The following RGS6 variants were observed in gnomAD, a reference collection of about 807,000 sequenced individuals.
The protein encoded by RGS6 is regulator of G protein signaling 6.
In RGS6, 30 loss-of-function variants were observed where a neutral mutation model predicts 78.5. The observed-to-expected ratio is 0.38, with a 90% confidence interval of 0.29 to 0.52. RGS6 has a LOEUF of 0.52. Ranked by LOEUF, RGS6 falls within the 20% of genes least tolerant of loss-of-function variation. RGS6 has a pLI of 0.85. For synonymous variants in RGS6, 206 were observed against 206.0 expected, an observed-to-expected ratio of 1.00 and a Z score of 0.00; for missense variants, 495 against 609.7, an observed-to-expected ratio of 0.81 and a Z score of 1.98.
chr14:71,882,078 A>G, the RGS6 span, among the ~76,000 whole-genome samples: 2 of 152,192 alleles, frequency 1.3e-5, no homozygotes, highest in African/African-American at 4.8e-5. Context: ...CCCAGACTGA[A>G]ATTCTGTATT....
chr14:71,937,166 G>A (rs1209766730), intron 1 of RGS6, among the ~76,000 whole-genome samples: 2 of 152,170 alleles, frequency 1.3e-5, no homozygotes, highest in African/African-American at 4.8e-5. Flanking sequence ...AGCCAACACA[G>A]TAATTTTCTT....
At chr14:72,040,957 T>G (rs1486432989) in intron 2 of RGS6, among the ~76,000 whole-genome samples, 1 of 150,580 alleles carries the variant, frequency 6.6e-6, no homozygotes, top group Non-Finnish European at 1.5e-5. Flanking sequence ...ATTTTATTCA[T>G]TCTTCATTTT....
chr14:72,193,982 T>C (rs1427197057), intron 2 of RGS6, among the ~76,000 whole-genome samples: 1 of 152,116 alleles, frequency 6.6e-6, no homozygotes, highest in African/African-American at 2.4e-5. Context: ...AACTGACTTA[T>C]GCTTTAAAGG....
chr14:72,104,929 G>C (rs1567213112), intron 2 of RGS6, among the ~76,000 whole-genome samples: 1 of 152,150 alleles, frequency 6.6e-6, no homozygotes, highest in Non-Finnish European at 1.5e-5. Context: ...ATCTGACTAT[G>C]GTTCCATCAT....
intron 2 of RGS6, among the ~76,000 whole-genome samples, chr14:72,003,614 C>T (rs532676166): frequency 4.6e-5 from 7 of 152,060 alleles, no homozygotes; most frequent in African/African-American, 1.4e-4. Context: ...AGGGGCAGTT[C>T]CATACAGTAG....
chr14:72,047,484 T>A (rs1041666122), intron 2 of RGS6, among the ~76,000 whole-genome samples: 5 of 152,200 alleles, frequency 3.3e-5, no homozygotes, highest in African/African-American at 1.2e-4. Flanking sequence ...ATTTATCAGC[T>A]TCATCATACA....
chr14:72,242,104 A>G lies in RGS6; in HGVS notation c.85-109991A>G, dbSNP rs181989843. 2.6e-4 allele frequency among the ~76,000 whole-genome samples: 39 copies of G among 152,350 alleles called. 1 individual carries two copies. In the East Asian group the frequency reaches 7.3e-3, roughly 29 times the overall value. ...GGCTACACATTAACTGACAGTAGCC[A>G]TATTAACAAGAGAAAAGACAATATT... is the stretch of plus-strand genomic sequence containing the variant. On this transcript the variant is annotated intron_variant, in intron 2 of 17. Coordinates refer to ENST00000553525, the MANE Select transcript of RGS6 (RefSeq NM_001204424.2).
the RGS6 span, among the ~76,000 whole-genome samples, chr14:72,624,446 C>G: frequency 6.8e-6 from 1 of 146,712 alleles, no homozygotes; most frequent in African/African-American, 2.5e-5. Context: ...TCAAGCAATT[C>G]TCCTGCCTCA....
intron 2 of RGS6, among the ~76,000 whole-genome samples, chr14:72,147,297 T>C (rs957998662): frequency 6.6e-6 from 1 of 152,208 alleles, no homozygotes; most frequent in African/African-American, 2.4e-5. Context: ...AACCCTCTTC[T>C]CGATACCAAT....
intron 2 of RGS6, among the ~76,000 whole-genome samples, chr14:72,169,637 A>G (rs1305934325): frequency 2.0e-5 from 3 of 152,162 alleles, no homozygotes; most frequent in Non-Finnish European, 4.4e-5. Flanking sequence ...GCAGAGAGTG[A>G]CTGTTAAAAC....
intron 15 of RGS6, among the ~76,000 whole-genome samples, chr14:72,528,087 T>G (rs896219239): frequency 2.2e-4 from 34 of 152,306 alleles, no homozygotes; most frequent in African/African-American, 7.7e-4. Context: ...GGAGTTCAGC[T>G]GCATGCTTGT....
chr14:72,078,439 A>T (rs1467695661), intron 2 of RGS6, among the ~76,000 whole-genome samples: 1 of 151,124 alleles, frequency 6.6e-6, no homozygotes, highest in Non-Finnish European at 1.5e-5. Flanking sequence ...TAAGAGATGG[A>T]GTCTTGCTCT....
At chr14:71,915,437 C>T in the RGS6 span, among the ~76,000 whole-genome samples, 1 of 152,024 alleles carries the variant, frequency 6.6e-6, no homozygotes, top group African/African-American at 2.4e-5. Context: ...TGCTTGTAGT[C>T]AGAGAGATGC....
chr14:72,549,124 A>C (rs1035977336), intron 17 of RGS6, among the ~76,000 whole-genome samples: 10 of 152,240 alleles, frequency 6.6e-5, no homozygotes, highest in Admixed American at 2.0e-4. Context: ...TGAAAGACTC[A>C]GGACTAGACT....
At chr14:72,246,473 T>A (rs2054240480) in intron 2 of RGS6, among the ~76,000 whole-genome samples, 2 of 152,252 alleles carry the variant, frequency 1.3e-5, no homozygotes, top group South Asian at 2.1e-4. Flanking sequence ...TAAATGTAAT[T>A]AAAAATTATT....
intron 2 of RGS6, among the ~76,000 whole-genome samples, chr14:72,253,049 T>C (rs780565431): frequency 5.3e-5 from 8 of 152,238 alleles, no homozygotes; most frequent in Non-Finnish European, 1.2e-4. Context: ...ACAAAGTCAG[T>C]GACTTACGGT....
chr14:72,167,283 G>T (rs2096941166), intron 2 of RGS6, among the ~76,000 whole-genome samples: 1 of 152,234 alleles, frequency 6.6e-6, no homozygotes, highest in Non-Finnish European at 1.5e-5. Flanking sequence ...AGATGGGCCT[G>T]CCCATTAGGG....
chr14:72,339,765 A>G (rs2076655327), intron 2 of RGS6, among the ~76,000 whole-genome samples: 1 of 151,402 alleles, frequency 6.6e-6, no homozygotes, highest in African/African-American at 2.5e-5. Context: ...GTGTGTTCGG[A>G]GGCAGCATTA....
At chr14:72,413,307 C>T (rs902190436) in intron 3 of RGS6, among the ~76,000 whole-genome samples, 12 of 152,186 alleles carry the variant, frequency 7.9e-5, no homozygotes, top group Admixed American at 3.9e-4. Flanking sequence ...GAATTGATCC[C>T]TTTAGCATTA....
Sources: gnomAD v4.1 joint callset for allele counts (sites outside exome capture counted in the v4.1 genomes callset) on GRCh38, gnomAD v4.1.1 for gene constraint, MANE v1.5 for transcripts, NCBI Gene and HGNC (gene_info 2026-07-23, HGNC 2026-07-21) for gene names.